Variants in MAGEB6B observed in about 807,000 individuals in gnomAD.
The protein encoded by MAGEB6B is MAGE family member B6B.
For missense variants in MAGEB6B, 277 were observed against 251.5 expected, an observed-to-expected ratio of 1.10 and a Z score of -0.69; for synonymous variants, 107 against 102.3, an observed-to-expected ratio of 1.05 and a Z score of -0.27.
In MAGEB6B at chrX:26,161,731, C is replaced by A. The variant is rs962508694; in HGVS notation, c.1131C>A (p.Ala377=). 1.7e-5 allele frequency: 20 copies of A among 1,209,107 alleles called. No individual in the cohort carries two copies. The African/African-American group carries it at 2.6e-4, about 16-fold the overall frequency. The change falls in exon 1 of 1, where the codon GCC becomes GCA. Residue 377 remains alanine, a synonymous_variant. Coordinates refer to ENST00000416929, the Ensembl canonical transcript of MAGEB6B. ...AGATGAGAGTCCTGCGTGTTTTGGC[C>A]GAGATCAATAACACCAGTCCCGGTT... is the stretch of plus-strand genomic sequence containing the variant.
exon 1 of MAGEB6B, chrX:26,161,348 G>A (rs770913834): frequency 9.0e-6 from 6 of 663,782 alleles, no homozygotes; most frequent in African/African-American, 2.1e-5. Context: ...GTTCTTTGGC[G>A]TTGAATTGAA....
exon 1 of MAGEB6B, chrX:26,161,641 G>A (rs746096039): frequency 1.7e-6 from 2 of 1,211,640 alleles, no homozygotes; most frequent in Non-Finnish European, 2.2e-6. Context: ...ACCGGCAGGT[G>A]TGCAACAGTG....
downstream of MAGEB6B, among the ~76,000 whole-genome samples, chrX:26,162,259 C>A (rs1178558422): frequency 9.0e-6 from 1 of 111,692 alleles, no homozygotes; most frequent in Non-Finnish European, 1.9e-5. Flanking sequence ...TGATATGAAT[C>A]TTAAAGAACT....
exon 1 of MAGEB6B, chrX:26,161,264 C>A: frequency 1.5e-6 from 1 of 682,267 alleles, no homozygotes; most frequent in Non-Finnish European, 2.4e-6. Context: ...GGCAGACATG[C>A]TGAAGCGTCT....
chrX:26,161,118 A>G (rs1253912313), exon 1 of MAGEB6B: 6 of 972,893 alleles, frequency 6.2e-6, no homozygotes, highest in Middle Eastern at 2.6e-4. Flanking sequence ...GCCAAGGGTC[A>G]AGATGAGGAA....
At position 26,161,728 on chromosome X, in the gene MAGEB6B, G is replaced by A. The variant is rs752695574; in HGVS notation, c.1128G>A (p.Leu376=). The change falls in exon 1 of 1, where the codon TTG becomes TTA. Residue 376 remains leucine, a synonymous_variant. Transcript: ENST00000416929. ...CCAAGATGAGAGTCCTGCGTGTTTT[G>A]GCCGAGATCAATAACACCAGTCCCG... 7.4e-6 allele frequency: 9 copies of A among 1,211,332 alleles called. No homozygotes were observed. The Admixed American group carries it at 8.7e-5, about 12-fold the overall frequency.
exon 1 of MAGEB6B, chrX:26,161,169 C>T: frequency 1.3e-6 from 1 of 770,631 alleles, no homozygotes; most frequent in Non-Finnish European, 2.0e-6. Context: ...TTTACAACCA[C>T]AGACGGAGAT....
exon 1 of MAGEB6B, chrX:26,161,200 C>A: frequency 4.0e-6 from 3 of 746,514 alleles, no homozygotes; most frequent in Non-Finnish European, 6.4e-6. Context: ...GGAAGGCAAA[C>A]AAGATGGTGC....
exon 1 of MAGEB6B, chrX:26,161,171 G>A (rs1340408681): frequency 1.3e-6 from 1 of 768,639 alleles, no homozygotes; most frequent in Non-Finnish European, 2.0e-6. Context: ...TACAACCACA[G>A]ACGGAGATCC....
chrX:26,162,391 G>A (rs1159905817), downstream of MAGEB6B, among the ~76,000 whole-genome samples: 1 of 111,529 alleles, frequency 9.0e-6, no homozygotes, highest in Non-Finnish European at 1.9e-5. Context: ...ATAAATAAAG[G>A]ATACCTGGAT....
exon 1 of MAGEB6B, chrX:26,161,053 T>C (rs1456937178): frequency 1.8e-6 from 2 of 1,110,117 alleles, no homozygotes; most frequent in Admixed American, 2.2e-5. Flanking sequence ...CTCAGGGAGC[T>C]TCACCCACTG....
chrX:26,161,347 C>T (rs1569250279), exon 1 of MAGEB6B: 3 of 657,215 alleles, frequency 4.6e-6, no homozygotes, highest in East Asian at 3.2e-5. Flanking sequence ...TGTTCTTTGG[C>T]GTTGAATTGA....
exon 1 of MAGEB6B, chrX:26,161,510 G>A (rs1035381451): frequency 8.3e-7 from 1 of 1,207,709 alleles, no homozygotes; most frequent in Non-Finnish European, 1.1e-6. Flanking sequence ...CCGTGCCACT[G>A]AAGAGGAGGT....
rs774770083 is a variant in MAGEB6B, at chrX:26,161,501, C to T, written c.901C>T (p.Arg301Cys). The change falls in exon 1 of 1, where the codon CGT becomes TGT. Residue 301 changes from arginine (R) to cysteine (C), a missense_variant. By Grantham distance (180) the Arg-to-Cys change is radical. Transcript: ENST00000416929. Reference sequence around the variant, plus strand: ...GGGTTTGATCTTCATGAGAGGCAACCGTGCCACTGAAGAGGAGGTCTGGAA... The same window carrying T: ...GGGTTTGATCTTCATGAGAGGCAACTGTGCCACTGAAGAGGAGGTCTGGAA... The T allele has an allele frequency of 6.3e-5, 76 of 1,201,932 alleles. No homozygotes were observed. The Middle Eastern group carries it at 9.2e-4, about 15-fold the overall frequency.
exon 1 of MAGEB6B, chrX:26,160,629 G>A (rs368301154): frequency 1.2e-5 from 7 of 571,267 alleles, no homozygotes; most frequent in South Asian, 2.2e-5. Context: ...AGTAAGCTCC[G>A]TGCCCGTGGG....
downstream of MAGEB6B, among the ~76,000 whole-genome samples, chrX:26,162,007 G>A (rs905266489): frequency 2.0e-4 from 23 of 112,267 alleles, no homozygotes; most frequent in Non-Finnish European, 2.4e-4. Context: ...CTTTTGTCTT[G>A]TTATACATGA....
At position 26,160,757 on chromosome X, in the gene MAGEB6B, C is replaced by T. The variant is rs1248964358; in HGVS notation, c.157C>T (p.Arg53Cys). 5 of 579,613 alleles carry T rather than the reference C, an allele frequency of 8.6e-6. No homozygotes were observed. The African/African-American group carries it at 8.9e-5, about 10-fold the overall frequency. The allele number at this position is 579,613 out of a possible 1,213,427, so 47.8% of individuals were successfully genotyped here. Residue 53 changes from arginine (R) to cysteine (C), a missense_variant, in exon 1 of 1, where the codon CGT (arginine) becomes TGT (cysteine). Coordinates refer to ENST00000416929, the Ensembl canonical transcript of MAGEB6B. ...TTCTGCTGTTTGTCAGGGTGCTCGT[C>T]GTAGGTCTTCTGGTTCCTCCGTTCC...
At chrX:26,162,239 GA>G (rs1443491978), downstream of MAGEB6B, among the ~76,000 whole-genome samples, 3 of 112,023 alleles carry the variant, frequency 2.7e-5, no homozygotes, top group African/African-American at 9.7e-5. Context: ...TGATAATAGA[GA>G]AGGGACTTTG....
At chrX:26,162,361 G>A (rs769001802), downstream of MAGEB6B, among the ~76,000 whole-genome samples, 2 of 111,789 alleles carry the variant, frequency 1.8e-5, no homozygotes, top group South Asian at 3.7e-4. Context: ...TGCCTAATTC[G>A]TTTTCCTATT....
Sources: allele counts gnomAD v4.1 joint callset (sites outside exome capture counted in the v4.1 genomes callset), GRCh38; gene constraint gnomAD v4.1.1; transcripts MANE v1.5; gene names NCBI Gene and HGNC (gene_info 2026-07-23, HGNC 2026-07-21).